The following EPN3 variants were observed in gnomAD, a reference collection of about 807,000 sequenced individuals.
The protein encoded by EPN3 is epsin 3.
A neutral mutation model predicts 55.5 loss-of-function variants in EPN3; 56 were observed. The ratio of observed to expected loss-of-function variants is 1.01; its 90% CI spans 0.81 to 1.26. The LOEUF is 1.26. Among genes scored for constraint, EPN3 ranks in the 50% most tolerant of loss-of-function variants. The pLI, the probability that EPN3 is intolerant of heterozygous loss-of-function variation, is 0.00. For synonymous variants in EPN3, 449 were observed against 375.2 expected, an observed-to-expected ratio of 1.20 and a Z score of -2.27; for missense variants, 927 against 853.4, an observed-to-expected ratio of 1.09 and a Z score of -1.07.
At position 50,537,042 on chromosome 17, in the gene EPN3, C is replaced by T; in HGVS notation, c.486C>T (p.Gly162=). The change falls in exon 2 of 10, where the codon GGC becomes GGT. Residue 162 remains glycine (G), a synonymous_variant. Coordinates refer to ENST00000268933, the MANE Select transcript of EPN3 (RefSeq NM_017957.3). The part of the protein sequence containing the change: ...ERMALEGIGI[G]SGQLGFSRRY... ...TGGCACTGGAGGGCATCGGCATTGG[C>T]AGTGGGCAGCTGGGCTTCAGCCGCC... 1 of 1,612,552 alleles carries T rather than the reference C, an allele frequency of 6.2e-7. No homozygotes were observed. The highest frequency in any genetic ancestry group is 8.5e-7 in the Non-Finnish European group (1 of 1,179,864).
chr17:50,539,435 A>C lies in EPN3; in HGVS notation c.891+120A>C. ...AAGCACTGATGTGTTTATTCGATGAAATAGGGGTGGGGGTGTAGCAGCCCT... is the reference window on the plus strand; with the variant it reads ...AAGCACTGATGTGTTTATTCGATGACATAGGGGTGGGGGTGTAGCAGCCCT... On this transcript the variant is annotated intron_variant, in intron 5 of 9. Coordinates refer to ENST00000268933, the MANE Select transcript of EPN3 (RefSeq NM_017957.3). 3 of 1,438,668 alleles carry C rather than the reference A, an allele frequency of 2.1e-6. No homozygotes were observed. The South Asian group carries it at 4.0e-5, about 19-fold the overall frequency. The allele number at this position is 1,438,668 out of a possible 1,614,324, so 89.1% of individuals were successfully genotyped here.
chr17:50,541,520 C>G lies in EPN3; in HGVS notation c.1411C>G (p.Pro471Ala). ...TTCCAAGCAAAATGGCACGAAGGAG[C>G]CAGATGCCCTGGACCTGGGCATACT... is the stretch of plus-strand genomic sequence containing the variant. ...PSSKQNGTKE[P>A]DALDLGILGE... The change falls in exon 9 of 10, where the codon CCA becomes GCA. Residue 471 changes from proline (P) to alanine (A), a missense_variant. Physicochemically the swap from Pro to Ala is conservative, Grantham distance 27. Coordinates refer to ENST00000268933, the MANE Select transcript of EPN3 (RefSeq NM_017957.3). 6.2e-7 allele frequency: 1 copy of G among 1,614,168 alleles called. No homozygotes were observed.
In EPN3 at chr17:50,536,510, T is replaced by C. The variant is rs1567903295; in HGVS notation, c.-47T>C. ...ACCTCGCCACAGTGGCCCTCAGCCCTCCACCTCCGGCGGGGGCGAGGGCCA... is the reference window on the plus strand; with the variant it reads ...ACCTCGCCACAGTGGCCCTCAGCCCCCCACCTCCGGCGGGGGCGAGGGCCA... On this transcript the variant is annotated 5_prime_UTR_variant, in exon 2 of 10. Transcript: ENST00000268933. 1 of 1,610,732 alleles carries C rather than the reference T, an allele frequency of 6.2e-7. No individual in the cohort carries two copies. The highest frequency in any genetic ancestry group is 1.1e-5 in the South Asian group (1 of 90,976).
intron 2 of EPN3, 98 bp from the exon 3 acceptor site, chr17:50,537,981 T>G: frequency 9.8e-7 from 1 of 1,022,896 alleles, no homozygotes; most frequent in Non-Finnish European, 1.5e-6. Flanking sequence ...GTTGTTCCCC[T>G]CCTCTCAGTT....
At chr17:50,533,985 A>G (rs2034720149) in intron 1 of EPN3, among the ~76,000 whole-genome samples, 1 of 152,180 alleles carries the variant, frequency 6.6e-6, no homozygotes, top group South Asian at 2.1e-4. Context: ...ATTTCTGGGC[A>G]TATCGTGTTC....
chr17:50,537,838 G>C (rs2034786854), intron 2 of EPN3: 1 of 477,794 alleles, frequency 2.1e-6, no homozygotes, highest in African/African-American at 2.0e-5. Context: ...CAGGAACCTG[G>C]TCAGGGGCCC....
chr17:50,540,959 GCCC>G lies in EPN3; in HGVS notation c.1150_1152del (p.Pro384del). On this transcript the variant is annotated inframe_deletion, in exon 7 of 10. Coordinates refer to ENST00000268933, the MANE Select transcript of EPN3 (RefSeq NM_017957.3). Reference sequence around the variant, plus strand: ...GCAGGACCCCAGTGCTGCCTGCTGGGCCCCCCACCACAGACCCCTGGGCCCTGA... The same window carrying G: ...GCAGGACCCCAGTGCTGCCTGCTGGGCCCACCACAGACCCCTGGGCCCTGA... The G allele has an allele frequency of 1.9e-6, 3 of 1,613,066 alleles. No individual in the cohort carries two copies. The highest frequency in any genetic ancestry group is 2.5e-6 in the Non-Finnish European group (3 of 1,179,860).
chr17:50,536,799 G>GAGTC lies in EPN3; in HGVS notation c.243_244insAGTC (p.Asp82SerfsTer57). 1 of 1,614,164 alleles carries GAGTC rather than the reference G, an allele frequency of 6.2e-7. No individual in the cohort carries two copies. The highest frequency in any genetic ancestry group is 1.1e-5 in the South Asian group (1 of 91,086). On this transcript the variant is annotated frameshift_variant, in exon 2 of 10. Transcript: ENST00000268933. LOFTEE classifies it high-confidence loss of function. The stretch of plus-strand genomic sequence containing the variant: ...ACGTGTACAAGGCTCTAACATTGCT[G>GAGTC]GACTACCTGCTCAAGACGGGCTCCG...
chr17:50,532,771 C>G lies in EPN3; in HGVS notation c.-351C>G. On this transcript the variant is annotated 5_prime_UTR_variant, in exon 1 of 10. Transcript: ENST00000268933. ...TGGCGCTGGCTAGGAGGCAAACGCA[C>G]GCGGGAAGAGCTGCTACCCATTCCA... is the stretch of plus-strand genomic sequence containing the variant. The G allele has an allele frequency of 1.4e-6, 1 of 715,496 alleles. No individual in the cohort carries two copies. Among genetic ancestry groups the G allele is most frequent in the Non-Finnish European group, 2.0e-6 (1 of 497,980 alleles). The allele number at this position is 715,496 out of a possible 1,614,324, so 44.3% of individuals were successfully genotyped here.
At chr17:50,538,020 GA>G (rs1405103196) in intron 2 of EPN3, 58 bp from the exon 3 acceptor site, 2 of 1,376,062 alleles carry the variant, frequency 1.5e-6, no homozygotes, top group Non-Finnish European at 2.1e-6. Flanking sequence ...CTGGCAGGCA[GA>G]GGGGTGTGGG....
At chr17:50,538,754 G>C (rs530250779) in intron 3 of EPN3, 130 bp from the exon 4 acceptor site, 1 of 615,342 alleles carries the variant, frequency 1.6e-6, no homozygotes. Flanking sequence ...CTGACTGAGC[G>C]GCAAATGGCC....
Position 50,541,510 on chromosome 17 carries a change from C to T in EPN3, c.1401C>T (p.Gly467=). ...GDPSPSSKQN[G]TKEPDALDLG... ...CCAGCCCCAGTTCCAAGCAAAATGG[C>T]ACGAAGGAGCCAGATGCCCTGGACC... The change falls in exon 9 of 10, where the codon GGC becomes GGT. Residue 467 remains glycine, a synonymous_variant. Transcript: ENST00000268933. The T allele has an allele frequency of 1.9e-6, 3 of 1,614,158 alleles. No individual in the cohort carries two copies. The highest frequency in any genetic ancestry group is 1.7e-6 in the Non-Finnish European group (2 of 1,180,034).
At chr17:50,538,399 A>G in intron 3 of EPN3, 1 of 576,970 alleles carries the variant, frequency 1.7e-6, no homozygotes, top group Non-Finnish European at 3.1e-6. Flanking sequence ...CTGGGCCTGG[A>G]AAGGGTGGCG....
At chr17:50,539,906 CCTGCCCCTTT>C (rs1386318028) in intron 5 of EPN3, among the ~76,000 whole-genome samples, 1 of 152,204 alleles carries the variant, frequency 6.6e-6, no homozygotes, top group East Asian at 1.9e-4. Context: ...CTTTGGCCTT[CCTGCCCCTTT>C]CTGCTGGCCT....
chr17:50,541,053 G>C lies in EPN3; in HGVS notation c.1240G>C (p.Asp414His). 1.9e-6 allele frequency: 3 copies of C among 1,577,770 alleles called. No individual in the cohort carries two copies. The highest frequency in any genetic ancestry group is 2.6e-6 in the Non-Finnish European group (3 of 1,162,844). ...TTGGGGAGCCTCCCTGGAGACCTCCGACACACCTGGTAAGAAGAGGGCCAG... is the reference window on the plus strand; with the variant it reads ...TTGGGGAGCCTCCCTGGAGACCTCCCACACACCTGGTAAGAAGAGGGCCAG... ...DPWGASLETS[D>H]TPGGASTFDP... is the part of the protein sequence containing the mutation. The change falls in exon 7 of 10, where the codon GAC becomes CAC. Residue 414 changes from aspartate to histidine, a missense_variant. Physicochemically the swap from Asp to His is moderately conservative, Grantham distance 81. Coordinates refer to ENST00000268933, the MANE Select transcript of EPN3 (RefSeq NM_017957.3).
chr17:50,540,113 G>C (rs1456529203), intron 5 of EPN3, 134 bp from the exon 6 acceptor site: 1 of 658,920 alleles, frequency 1.5e-6, no homozygotes, highest in African/African-American at 1.8e-5. Context: ...GCACTGTGCA[G>C]AGGTGAGGGA....
At chr17:50,539,090 C>T (rs2034808093) in intron 4 of EPN3, 97 bp from the exon 5 acceptor site, 3 of 1,567,882 alleles carry the variant, frequency 1.9e-6, no homozygotes, top group African/African-American at 2.7e-5. Flanking sequence ...CAGCTGCCTC[C>T]CACCCTGCAC....
At chr17:50,534,620 A>G in intron 1 of EPN3, 11 of 985,424 alleles carry the variant, frequency 1.1e-5, no homozygotes, top group Non-Finnish European at 1.3e-5. Flanking sequence ...AAGGCCCACG[A>G]CCCGCTGGAA....
At position 50,541,979 on chromosome 17, in the gene EPN3, C is replaced by T. The variant is rs561030280; in HGVS notation, c.1721C>T (p.Thr574Ile). 21 of 1,597,644 alleles carry T rather than the reference C, an allele frequency of 1.3e-5. 1 individual carries two copies. In the South Asian group the frequency reaches 2.3e-4, roughly 18 times the overall value. The change falls in exon 10 of 10, where the codon ACC becomes ATC. Residue 574 changes from threonine to isoleucine, a missense_variant. Coordinates refer to ENST00000268933, the MANE Select transcript of EPN3 (RefSeq NM_017957.3). ...GTGGGGGCGCCCCTGGGCTCCATGA[C>T]CTACAGCGCCTCTCTGCCCCTCCCG... ...GPVGAPLGSM[T>I]YSASLPLPLS...
Sources: allele counts gnomAD v4.1 joint callset (sites outside exome capture counted in the v4.1 genomes callset), GRCh38; gene constraint gnomAD v4.1.1; transcripts MANE v1.5; gene names NCBI Gene and HGNC (gene_info 2026-07-23, HGNC 2026-07-21).